The following TMEM45A variants were observed in gnomAD, a reference collection of about 807,000 sequenced individuals.
The protein encoded by TMEM45A is DNA polymerase-transactivated protein 4.
A neutral mutation model predicts 32.0 loss-of-function variants in TMEM45A; 25 were observed. The ratio of observed to expected loss-of-function variants is 0.78; its 90% CI spans 0.57 to 1.09. The LOEUF (loss-of-function observed/expected upper bound fraction) is 1.09. TMEM45A is among the 50% of genes least tolerant of loss of function. The pLI is 0.00. For synonymous variants in TMEM45A, 122 were observed against 114.8 expected, an observed-to-expected ratio of 1.06 and a Z score of -0.40; for missense variants, 302 against 325.0, an observed-to-expected ratio of 0.93 and a Z score of 0.54.
At chr3:100,512,916 C>A (rs1576262286) in intron 1 of TMEM45A, among the ~76,000 whole-genome samples, 1 of 152,006 alleles carries the variant, frequency 6.6e-6, no homozygotes, top group Non-Finnish European at 1.5e-5. Flanking sequence ...TCTCCCAAGA[C>A]TAAACCAGGA....
intron 4 of TMEM45A, among the ~76,000 whole-genome samples, chr3:100,563,617 A>G (rs1420659443): frequency 6.6e-6 from 1 of 152,192 alleles, no homozygotes; most frequent in Non-Finnish European, 1.5e-5. Flanking sequence ...AATTTGTTGT[A>G]AGAGGAAGGC....
At chr3:100,500,540 T>A (rs890011313) in intron 1 of TMEM45A, among the ~76,000 whole-genome samples, 4 of 152,256 alleles carry the variant, frequency 2.6e-5, no homozygotes, top group Non-Finnish European at 4.4e-5. Flanking sequence ...TCAGATTGAC[T>A]GTTTCCAGTC....
At chr3:100,507,856 G>A (rs987199507) in intron 1 of TMEM45A, among the ~76,000 whole-genome samples, 2 of 151,756 alleles carry the variant, frequency 1.3e-5, no homozygotes, top group Admixed American at 6.6e-5. Flanking sequence ...AATAGATACA[G>A]AAGAGATTAA....
At chr3:100,547,207 C>T (rs578111315) in intron 1 of TMEM45A, among the ~76,000 whole-genome samples, 99 of 152,180 alleles carry the variant, frequency 6.5e-4, no homozygotes, top group Non-Finnish European at 1.2e-3. Flanking sequence ...CTGCAACCTC[C>T]GCCTTCCAGG....
chr3:100,530,797 T>A (rs1272345734), intron 1 of TMEM45A, among the ~76,000 whole-genome samples: 1 of 152,202 alleles, frequency 6.6e-6, no homozygotes, highest in African/African-American at 2.4e-5. Flanking sequence ...GACTCAGAAG[T>A]CTCTTTTGAT....
chr3:100,552,085 C>G lies in TMEM45A; in HGVS notation c.-3-3124C>G, dbSNP rs552719174. Among the ~76,000 whole-genome samples the G allele has an allele frequency of 7.9e-5, 12 of 152,246 alleles. No homozygotes were observed. The East Asian group carries it at 2.3e-3, about 29-fold the overall frequency. ...CCTGGATTTTAAAATTTCATCATATCTATGACATAGGCAATATGTTTGCTT... is the reference window on the plus strand; with the variant it reads ...CCTGGATTTTAAAATTTCATCATATGTATGACATAGGCAATATGTTTGCTT... On this transcript the variant is annotated intron_variant, in intron 1 of 5. Coordinates refer to ENST00000323523, the MANE Select transcript of TMEM45A (RefSeq NM_018004.3).
chr3:100,531,027 G>A (rs1705637020), intron 1 of TMEM45A, among the ~76,000 whole-genome samples: 1 of 151,980 alleles, frequency 6.6e-6, no homozygotes, highest in Non-Finnish European at 1.5e-5. Context: ...AATACATTGG[G>A]TGTATCTTGT....
intron 1 of TMEM45A, among the ~76,000 whole-genome samples, chr3:100,523,193 G>T (rs1041733703): frequency 6.6e-6 from 1 of 152,152 alleles, no homozygotes; most frequent in Non-Finnish European, 1.5e-5. Flanking sequence ...ATGGTTGCAG[G>T]TGTCATAGAC....
At chr3:100,549,743 A>G (rs376734831) in intron 1 of TMEM45A, among the ~76,000 whole-genome samples, 116 of 152,164 alleles carry the variant, frequency 7.6e-4, no homozygotes, top group African/African-American at 2.6e-3. Context: ...TAAATCCTTA[A>G]GAGTGTGATA....
intron 1 of TMEM45A, among the ~76,000 whole-genome samples, chr3:100,547,837 C>T (rs1437505839): frequency 6.6e-6 from 1 of 152,120 alleles, no homozygotes; most frequent in Non-Finnish European, 1.5e-5. Flanking sequence ...CTTCTATTTA[C>T]TTTGAAGAGT....
chr3:100,528,116 C>T (rs1055234312), intron 1 of TMEM45A, among the ~76,000 whole-genome samples: 1 of 152,332 alleles, frequency 6.6e-6, no homozygotes, highest in South Asian at 2.1e-4. Flanking sequence ...GGGTGTTCTA[C>T]ACTTCTGTTG....
intron 1 of TMEM45A, among the ~76,000 whole-genome samples, chr3:100,535,640 A>C (rs993385669): frequency 6.6e-6 from 1 of 152,204 alleles, no homozygotes; most frequent in Admixed American, 6.5e-5. Flanking sequence ...GACTGTACCT[A>C]GTGCAAATAT....
rs1165329288 is a variant in TMEM45A at position 100,516,150 on chromosome 3, AAG to A, written c.-4+23229_-4+23230del. Among the ~76,000 whole-genome samples, 9 of 152,286 alleles carry A rather than the reference AAG, an allele frequency of 5.9e-5. No individual in the cohort carries two copies. In the East Asian group the frequency reaches 1.5e-3, roughly 26 times the overall value. ...TTATGTATCAGTAAAAAATGTTAAA[AAG>A]AGAGAGCATAGGTGAGAGCTCTCTG... On this transcript the variant is annotated intron_variant, in intron 1 of 5. Transcript: ENST00000323523.
intron 1 of TMEM45A, among the ~76,000 whole-genome samples, chr3:100,554,557 C>A (rs1706175279): frequency 6.6e-6 from 1 of 152,188 alleles, no homozygotes; most frequent in East Asian, 1.9e-4. Flanking sequence ...TGGGCCCAAT[C>A]TAACTGGAGG....
At chr3:100,523,947 A>G (rs977570958) in intron 1 of TMEM45A, among the ~76,000 whole-genome samples, 9 of 152,214 alleles carry the variant, frequency 5.9e-5, no homozygotes, top group Non-Finnish European at 1.2e-4. Context: ...AAGTGCCACC[A>G]TTTTGTTTGG....
chr3:100,509,948 C>T (rs974927045), intron 1 of TMEM45A, among the ~76,000 whole-genome samples: 10 of 152,326 alleles, frequency 6.6e-5, no homozygotes, highest in Non-Finnish European at 1.0e-4. Flanking sequence ...TTATATCCCA[C>T]GCATGGCTCG....
chr3:100,511,307 G>T (rs1258817019), intron 1 of TMEM45A, among the ~76,000 whole-genome samples: 2 of 152,120 alleles, frequency 1.3e-5, no homozygotes, highest in African/African-American at 2.4e-5. Flanking sequence ...GAAGAGAGTG[G>T]GGGCCAATAT....
At chr3:100,565,377 C>T (rs1706410495) in intron 4 of TMEM45A, among the ~76,000 whole-genome samples, 1 of 152,100 alleles carries the variant, frequency 6.6e-6, no homozygotes, top group Non-Finnish European at 1.5e-5. Context: ...GTGATTAAGG[C>T]ACAAATCTTA....
intron 5 of TMEM45A, chr3:100,571,245 A>G (rs1308431011): frequency 2.0e-5 from 3 of 152,180 alleles, no homozygotes; most frequent in Non-Finnish European, 4.4e-5. Context: ...ACCAGTGAAC[A>G]TGGACAGCAG....
Sources: gnomAD v4.1 joint callset for allele counts (sites outside exome capture counted in the v4.1 genomes callset) on GRCh38, gnomAD v4.1.1 for gene constraint, MANE v1.5 for transcripts, NCBI Gene and HGNC (gene_info 2026-07-23, HGNC 2026-07-21) for gene names.